The following HOXA3 variants were observed in gnomAD, a reference collection of about 807,000 sequenced individuals.
The protein encoded by HOXA3 is homeobox protein Hox-A3.
HOXA3 carries 8 observed loss-of-function variants against 30.3 expected under a neutral mutation model. The ratio of observed to expected loss-of-function variants is 0.26; its 90% CI spans 0.15 to 0.48. HOXA3 has a LOEUF of 0.48. HOXA3 is among the 20% of genes least tolerant of loss of function. HOXA3 has a pLI of 0.99. For missense variants in HOXA3, 653 were observed against 614.4 expected, an observed-to-expected ratio of 1.06 and a Z score of -0.66; for synonymous variants, 323 against 273.1, an observed-to-expected ratio of 1.18 and a Z score of -1.80.
chr7:27,108,133 C>T lies in HOXA3; in HGVS notation c.1114G>A (p.Val372Met), dbSNP rs1784127538. The change falls in exon 6 of 6, where the codon GTG becomes ATG. Residue 372 changes from valine (V) to methionine (M), a missense_variant. Physicochemically the swap from Val to Met is conservative, Grantham distance 21 (BLOSUM62 1). Transcript: ENST00000612286. The surrounding 1 kb of genome is among the most constrained non-coding windows in gnomAD (Gnocchi z 5.0). ...GSPVFVGGSY[V>M]EPMSNSGPAL... ...GGCCCGGAGTTGCTCATGGGCTCCACATAGCTGCCCCCCACGAAGACGGGG... is the reference window on the plus strand; with the variant it reads ...GGCCCGGAGTTGCTCATGGGCTCCATATAGCTGCCCCCCACGAAGACGGGG... The T allele has an allele frequency of 6.3e-7, 1 of 1,593,196 alleles. No individual in the cohort carries two copies. The highest frequency in any genetic ancestry group is 8.6e-7 in the Non-Finnish European group (1 of 1,167,376).
chr7:27,145,623 A>T (rs1390166020), intron 1 of HOXA3: 2 of 1,595,352 alleles, frequency 1.3e-6, no homozygotes, highest in Admixed American at 3.4e-5. Flanking sequence ...AAGCCGAAGG[A>T]GGTTGCAGCG....
At chr7:27,127,177 G>A (rs1324579868) in intron 2 of HOXA3, 107 bp from the exon 3 acceptor site, 3 of 152,162 alleles carry the variant, frequency 2.0e-5, no homozygotes, top group Non-Finnish European at 2.9e-5. Context: ...TGTGTAGTAG[G>A]GGGAGGGTTA....
At chr7:27,147,635 G>A (rs911772148) in intron 1 of HOXA3, 6 of 1,614,236 alleles carry the variant, frequency 3.7e-6, no homozygotes, top group Non-Finnish European at 5.1e-6. Context: ...TACGAGGCCG[G>A]GAAGGGCCTC....
intron 2 of HOXA3, among the ~76,000 whole-genome samples, chr7:27,139,644 G>T (rs969269287): frequency 2.0e-5 from 3 of 152,008 alleles, no homozygotes; most frequent in Non-Finnish European, 4.4e-5. Flanking sequence ...GGCCCTCGGC[G>T]CCCGCGGCCG....
chr7:27,142,900 G>A (rs1782624183), intron 1 of HOXA3: 3 of 715,964 alleles, frequency 4.2e-6, no homozygotes, highest in African/African-American at 3.7e-5. Flanking sequence ...AAGGAGGAAG[G>A]CAGGGGAGGG....
At chr7:27,114,845 A>ATATATATTATATATTAT (rs1491150531) in intron 4 of HOXA3, among the ~76,000 whole-genome samples, 4 of 26,842 alleles carry the variant, frequency 1.5e-4, no homozygotes, top group Non-Finnish European at 3.9e-4. Context: ...TTATATATAT[A>ATATATATTATATATTAT]ATATATATTA....
intron 2 of HOXA3, chr7:27,130,233 C>A (rs1206267146): frequency 2.2e-6 from 3 of 1,382,590 alleles, no homozygotes; most frequent in Non-Finnish European, 2.8e-6. Context: ...TGCCCCCTGC[C>A]GGGACGCCTG....
At chr7:27,131,922 T>C (rs534748050) in intron 2 of HOXA3, among the ~76,000 whole-genome samples, 3 of 152,244 alleles carry the variant, frequency 2.0e-5, no homozygotes. Flanking sequence ...ATTAACGATA[T>C]CAGAAGCTCC....
intron 2 of HOXA3, chr7:27,129,435 C>A: frequency 6.2e-7 from 1 of 1,614,112 alleles, no homozygotes; most frequent in Non-Finnish European, 8.5e-7. Context: ...ACAAACAGAG[C>A]GTGTGGGCGA....
chr7:27,111,116 T>A (rs1784350151), intron 4 of HOXA3, among the ~76,000 whole-genome samples: 1 of 152,116 alleles, frequency 6.6e-6, no homozygotes, highest in Admixed American at 6.5e-5. Context: ...GGGGTGTCGC[T>A]TAGTTTCTGC....
intron 4 of HOXA3, chr7:27,115,232 A>G (rs1190367214): frequency 6.6e-6 from 1 of 152,128 alleles, no homozygotes; most frequent in Non-Finnish European, 1.5e-5. Flanking sequence ...ACTCCGGGCC[A>G]GGGTGGCCTC....
chr7:27,130,548 G>C (rs1291413208), intron 2 of HOXA3: 3 of 1,389,056 alleles, frequency 2.2e-6, no homozygotes, highest in Admixed American at 3.0e-5. Context: ...CGCCGCCCGC[G>C]TGAGGGAGCT....
intron 1 of HOXA3, chr7:27,141,791 G>C: frequency 6.3e-7 from 1 of 1,599,086 alleles, no homozygotes; most frequent in South Asian, 1.1e-5. Flanking sequence ...CTGACACTAC[G>C]CGGGATCCGC....
chr7:27,143,000 G>T, intron 1 of HOXA3: 11 of 1,459,334 alleles, frequency 7.5e-6, no homozygotes, highest in Non-Finnish European at 8.2e-6. Flanking sequence ...GGGACCGAGA[G>T]CCGCGTCCCC....
intron 4 of HOXA3, chr7:27,116,019 G>A (rs994179975): frequency 6.6e-6 from 1 of 152,652 alleles, no homozygotes; most frequent in Non-Finnish European, 1.5e-5. Context: ...CGAAAATGCC[G>A]ATTGTTGATT....
intron 1 of HOXA3, chr7:27,146,066 T>C: frequency 1.1e-6 from 1 of 897,192 alleles, no homozygotes; most frequent in Non-Finnish European, 1.7e-6. Context: ...CAAAGCATAC[T>C]GAATGGGAGA....
At chr7:27,114,846 ATATAT>A (rs1784609445) in intron 4 of HOXA3, among the ~76,000 whole-genome samples, 1 of 75,334 alleles carries the variant, frequency 1.3e-5, no homozygotes, top group African/African-American at 3.9e-5. Flanking sequence ...TATATATATA[ATATAT>A]ATTATATATA....
At chr7:27,143,778 C>T in intron 1 of HOXA3, 1 of 1,289,790 alleles carries the variant, frequency 7.8e-7, no homozygotes, top group Non-Finnish European at 1.0e-6. Flanking sequence ...TTTTGTTGTC[C>T]AGTCGTAAAT....
At chr7:27,152,236 G>A (rs1203407011) in intron 1 of HOXA3, 52 bp downstream of exon 1, 3 of 1,190,880 alleles carry the variant, frequency 2.5e-6, no homozygotes, top group African/African-American at 1.6e-5. Flanking sequence ...CGCTACCGCC[G>A]CCGGCTGTCG....
Sources: allele counts gnomAD v4.1 joint callset (sites outside exome capture counted in the v4.1 genomes callset), GRCh38; gene constraint gnomAD v4.1.1; non-coding constraint Gnocchi (gnomAD v3.1); transcripts MANE v1.5; gene names NCBI Gene and HGNC (gene_info 2026-07-23, HGNC 2026-07-21).